Variants in FBXL13 observed in about 807,000 individuals in gnomAD.
FBXL13 encodes the protein F-box and leucine-rich repeat protein 13.
FBXL13 carries 67 observed loss-of-function variants against 83.6 expected under a neutral mutation model. The ratio of observed to expected loss-of-function variants is 0.80; its 90% CI spans 0.66 to 0.98. The LOEUF is 0.98. Among genes scored for constraint, FBXL13 ranks in the 50% least tolerant of loss-of-function variants. The pLI is 0.00. For synonymous variants in FBXL13, 272 were observed against 299.5 expected (o/e 0.91, Z 0.95); for missense variants, 822 against 866.5 (o/e 0.95, Z 0.64).
intron 1 of FBXL13, among the ~76,000 whole-genome samples, chr7:103,062,169 AG>A (rs752073606): frequency 2.6e-5 from 4 of 152,108 alleles, no homozygotes; most frequent in Non-Finnish European, 5.9e-5. Context: ...CCATTTGAAG[AG>A]TACTTTCTTC....
At chr7:102,824,455 T>C (rs1268902517) in intron 18 of FBXL13, among the ~76,000 whole-genome samples, 1 of 152,186 alleles carries the variant, frequency 6.6e-6, no homozygotes, top group Non-Finnish European at 1.5e-5. Flanking sequence ...CATTAACAGA[T>C]TTGTAAATAC....
intron 6 of FBXL13, among the ~76,000 whole-genome samples, chr7:102,997,269 C>T (rs762686668): frequency 1.3e-5 from 2 of 152,080 alleles, no homozygotes; most frequent in Non-Finnish European, 2.9e-5. Context: ...GATTAGAACA[C>T]CATGAAGTAA....
intron 8 of FBXL13, among the ~76,000 whole-genome samples, chr7:102,932,577 T>A (rs139543315): frequency 7.8e-4 from 1 of 1,278 alleles, no homozygotes; most frequent in African/African-American, 1.0e-3. Context: ...ATACAATAGT[T>A]ATTCTGTTTG....
intron 18 of FBXL13, among the ~76,000 whole-genome samples, chr7:102,825,833 T>A (rs891034701): frequency 6.6e-6 from 1 of 152,188 alleles, no homozygotes; most frequent in African/African-American, 2.4e-5. Flanking sequence ...TTTCTCTGAT[T>A]TGAATTCCCC....
intron 8 of FBXL13, chr7:102,934,513 T>TA (rs764907439): frequency 1.2e-6 from 2 of 1,612,216 alleles, no homozygotes; most frequent in African/African-American, 1.3e-5. Flanking sequence ...AACAAAAAAA[T>TA]AAAAAACTGC....
intron 6 of FBXL13, among the ~76,000 whole-genome samples, chr7:103,022,487 A>C (rs996169045): frequency 1.1e-4 from 16 of 152,178 alleles, no homozygotes; most frequent in East Asian, 3.8e-4. Flanking sequence ...AAAAAAAAAA[A>C]CCAGAAATAT....
chr7:102,920,538 A>G (rs187047655), intron 10 of FBXL13, among the ~76,000 whole-genome samples: 216 of 152,176 alleles, frequency 1.4e-3, no homozygotes, highest in Admixed American at 0.011. Flanking sequence ...TTTTGTAGAG[A>G]TGGAGTTTTA....
At chr7:102,894,185 C>G (rs1811969790) in intron 11 of FBXL13, among the ~76,000 whole-genome samples, 1 of 152,114 alleles carries the variant, frequency 6.6e-6, no homozygotes, top group Non-Finnish European at 1.5e-5. Flanking sequence ...TCCATGATCT[C>G]TGCTTCTCTG....
chr7:103,068,719 G>A (rs1215026114), intron 1 of FBXL13, among the ~76,000 whole-genome samples: 1 of 152,132 alleles, frequency 6.6e-6, no homozygotes, highest in African/African-American at 2.4e-5. Flanking sequence ...TGGTGGCACG[G>A]GGGTAACATG....
intron 16 of FBXL13, among the ~76,000 whole-genome samples, chr7:102,860,229 T>C (rs573921655): frequency 6.6e-6 from 1 of 152,316 alleles, no homozygotes; most frequent in African/African-American, 2.4e-5. Flanking sequence ...GTTCCTTATG[T>C]ACCAACTCAT....
intron 10 of FBXL13, among the ~76,000 whole-genome samples, chr7:102,919,809 T>A (rs1348806761): frequency 1.3e-5 from 2 of 152,208 alleles, no homozygotes; most frequent in Non-Finnish European, 2.9e-5. Context: ...CTCATGCATC[T>A]TTACTGAAAA....
chr7:102,992,807 A>G (rs1353514967), intron 6 of FBXL13, among the ~76,000 whole-genome samples: 1 of 152,154 alleles, frequency 6.6e-6, no homozygotes, highest in East Asian at 1.9e-4. Flanking sequence ...CAGTTTTGCC[A>G]TGTTGCTCAG....
intron 18 of FBXL13, among the ~76,000 whole-genome samples, chr7:102,825,422 G>A (rs537616340): frequency 6.6e-6 from 1 of 152,174 alleles, no homozygotes; most frequent in Admixed American, 6.5e-5. Flanking sequence ...TTGGAATTCT[G>A]CAGAGAGTCC....
intron 6 of FBXL13, among the ~76,000 whole-genome samples, chr7:103,016,129 A>G (rs1792281187): frequency 6.6e-6 from 1 of 152,192 alleles, no homozygotes; most frequent in African/African-American, 2.4e-5. Flanking sequence ...CAAACTACCA[A>G]TGACATTTTT....
At chr7:102,996,523 T>A (rs1222808195) in intron 6 of FBXL13, among the ~76,000 whole-genome samples, 1 of 152,198 alleles carries the variant, frequency 6.6e-6, no homozygotes, top group African/African-American at 2.4e-5. Flanking sequence ...GACTGGTAGT[T>A]CAAATCCACA....
chr7:102,831,433 C>CA (rs1800678384), intron 18 of FBXL13, among the ~76,000 whole-genome samples: 1 of 130,774 alleles, frequency 7.6e-6, no homozygotes, highest in Admixed American at 7.5e-5. Context: ...ACACACACAC[C>CA]CCACTACAGA....
intron 6 of FBXL13, among the ~76,000 whole-genome samples, chr7:102,995,836 A>T (rs914058040): frequency 6.8e-6 from 1 of 146,132 alleles, no homozygotes; most frequent in African/African-American, 2.5e-5. Flanking sequence ...GTCATAAACC[A>T]TAACACCATA....
In FBXL13 at chr7:102,871,218, C is replaced by A. The variant is rs569937566; in HGVS notation, c.1635+6249G>T. On this transcript the variant is annotated intron_variant, in intron 16 of 19. Transcript: ENST00000313221. ...AGAATGACTCCCCCATCTGCAGGTC[C>A]GGTAATCATTTCTCTCCCAATCCTT... Among the ~76,000 whole-genome samples, 15 of 152,114 alleles carry A rather than the reference C, an allele frequency of 9.9e-5. 1 individual carries two copies. Among genetic ancestry groups the A allele is most frequent in the Middle Eastern group, 3.4e-3 (1 of 294 alleles).
At chr7:102,819,387 G>C (rs1486314072) in intron 19 of FBXL13, among the ~76,000 whole-genome samples, 2 of 152,154 alleles carry the variant, frequency 1.3e-5, no homozygotes, top group Non-Finnish European at 2.9e-5. Context: ...TAGAATGCCA[G>C]CCATATCTTC....
Sources: gnomAD v4.1 joint callset for allele counts (sites outside exome capture counted in the v4.1 genomes callset) on GRCh38, gnomAD v4.1.1 for gene constraint, MANE v1.5 for transcripts, NCBI Gene and HGNC (gene_info 2026-07-23, HGNC 2026-07-21) for gene names.